The following SLC25A26 variants were observed in gnomAD, a reference collection of about 807,000 sequenced individuals.
SLC25A26 encodes the protein solute carrier family 25 member 26, also known as mitochondrial S-adenosylmethionine carrier protein.
SLC25A26 carries 36 observed loss-of-function variants against 37.8 expected under a neutral mutation model. That is an observed-to-expected ratio of 0.95 (90% CI 0.73 to 1.26). SLC25A26 has a LOEUF of 1.26. Among genes scored for constraint, SLC25A26 ranks in the 50% most tolerant of loss-of-function variants. The pLI, the probability that SLC25A26 is intolerant of heterozygous loss-of-function variation, is 0.00. For missense variants in SLC25A26, 390 were observed against 331.1 expected (o/e 1.18, Z -1.38); for synonymous variants, 129 against 122.5 (o/e 1.05, Z -0.35).
intron 5 of SLC25A26, among the ~76,000 whole-genome samples, chr3:66,287,282 C>G (rs1443582228): frequency 6.8e-6 from 1 of 147,048 alleles, no homozygotes; most frequent in Non-Finnish European, 1.5e-5. Flanking sequence ...GGCGACAGAG[C>G]GAGACTCCGT....
chr3:66,218,441 T>A (rs937925871), upstream of SLC25A26, among the ~76,000 whole-genome samples: 54 of 152,346 alleles, frequency 3.5e-4, no homozygotes, highest in African/African-American at 1.3e-3. Context: ...TTGTCAACAC[T>A]TGGCTTTTTA....
At chr3:66,310,148 G>T (rs948894832) in intron 5 of SLC25A26, among the ~76,000 whole-genome samples, 18 of 152,148 alleles carry the variant, frequency 1.2e-4, no homozygotes, top group African/African-American at 7.2e-5. Context: ...TTCTTTGTAG[G>T]TCTCTAAGAA....
At chr3:66,142,775 T>C (rs1559548605) in intron 1 of SLC25A26, among the ~76,000 whole-genome samples, 1 of 152,098 alleles carries the variant, frequency 6.6e-6, no homozygotes, top group Non-Finnish European at 1.5e-5. Flanking sequence ...GTTTTTTCTC[T>C]TTTTTTGAGA....
Position 66,171,499 on chromosome 3 carries a change from C to CT in SLC25A26, c.-354+37524dup, listed in dbSNP as rs200693173. Among the ~76,000 whole-genome samples, 246 of 151,512 alleles carry CT rather than the reference C, an allele frequency of 1.6e-3. 2 individuals carry two copies. The highest frequency in any genetic ancestry group is 2.7e-3 in the Non-Finnish European group (184 of 67,792). ...TGAAGGACCCTGAGATTTTTCTTTT[C>CT]TTTTTTTTTGAGCAGAGTCTTGCTC... On this transcript the variant is annotated intron_variant, in intron 1 of 10. Coordinates refer to the SLC25A26 transcript ENST00000676754.
intron 1 of SLC25A26, among the ~76,000 whole-genome samples, chr3:66,179,034 G>A (rs1425353258): frequency 1.3e-5 from 2 of 152,138 alleles, no homozygotes; most frequent in Admixed American, 1.3e-4. Context: ...TGTACGTTTT[G>A]TCATATATTT....
intron 9 of SLC25A26, among the ~76,000 whole-genome samples, chr3:66,373,954 G>C (rs1286113052): frequency 6.6e-6 from 1 of 152,062 alleles, no homozygotes; most frequent in Non-Finnish European, 1.5e-5. Context: ...CAGCCTGCAG[G>C]GACCGTCTTC....
At chr3:66,226,069 A>G (rs1385351400) in intron 1 of SLC25A26, among the ~76,000 whole-genome samples, 1 of 152,170 alleles carries the variant, frequency 6.6e-6, no homozygotes, top group Non-Finnish European at 1.5e-5. Flanking sequence ...AGGTATCTTT[A>G]TAGTAGCACC....
intron 5 of SLC25A26, among the ~76,000 whole-genome samples, chr3:66,293,413 A>C (rs1358295134): frequency 1.3e-5 from 2 of 150,988 alleles, no homozygotes; most frequent in South Asian, 2.1e-4. Flanking sequence ...TCAGGGGTAC[A>C]TGTACTGGTT....
chr3:66,248,859 T>A (rs1047284190), intron 3 of SLC25A26, among the ~76,000 whole-genome samples: 18 of 152,196 alleles, frequency 1.2e-4, no homozygotes, highest in African/African-American at 3.6e-4. Flanking sequence ...AGGTAGCTAG[T>A]TACAAATGGG....
intron 5 of SLC25A26, 71 bp from the exon 6 acceptor site, chr3:66,346,286 TTACAGGC>T: frequency 1.6e-6 from 1 of 644,032 alleles, no homozygotes; most frequent in Non-Finnish European, 2.6e-6. Flanking sequence ...GAAATAATAT[TTACAGGC>T]TCGTATAGTC....
At chr3:66,344,735 T>G (rs1328919797) in intron 5 of SLC25A26, among the ~76,000 whole-genome samples, 2 of 152,240 alleles carry the variant, frequency 1.3e-5, no homozygotes, top group African/African-American at 4.8e-5. Context: ...TCCACTGGTG[T>G]TAAGACATTT....
At chr3:66,346,967 G>A (rs1481106744) in intron 6 of SLC25A26, among the ~76,000 whole-genome samples, 1 of 152,032 alleles carries the variant, frequency 6.6e-6, no homozygotes, top group East Asian at 1.9e-4. Context: ...GAGGGAAGGA[G>A]CAGAGTGTGG....
At chr3:66,161,644 TGA>T (rs2070361525) in intron 1 of SLC25A26, among the ~76,000 whole-genome samples, 1 of 152,202 alleles carries the variant, frequency 6.6e-6, no homozygotes. Flanking sequence ...TTTTCTTCAG[TGA>T]GAGAGTTTTT....
chr3:66,375,650 T>G (rs1052232492), intron 9 of SLC25A26, among the ~76,000 whole-genome samples: 6 of 152,196 alleles, frequency 3.9e-5, no homozygotes, highest in Admixed American at 6.5e-5. Context: ...ACAGCATGCT[T>G]TCTTGAATAT....
At chr3:66,267,242 G>A (rs953806261) in intron 5 of SLC25A26, among the ~76,000 whole-genome samples, 4 of 152,186 alleles carry the variant, frequency 2.6e-5, no homozygotes, top group African/African-American at 9.7e-5. Context: ...TGAAGGAGTG[G>A]CAGTTAGAAG....
intron 6 of SLC25A26, among the ~76,000 whole-genome samples, chr3:66,357,189 G>A (rs1393863937): frequency 6.6e-6 from 1 of 152,126 alleles, no homozygotes; most frequent in Non-Finnish European, 1.5e-5. Context: ...TGGGGTGGGA[G>A]GATCACTTGA....
intron 1 of SLC25A26, among the ~76,000 whole-genome samples, chr3:66,149,904 A>G (rs532679997): frequency 6.6e-6 from 1 of 152,300 alleles, no homozygotes; most frequent in South Asian, 2.1e-4. Context: ...AAACTGAGAT[A>G]TGGACAGGTT....
intron 5 of SLC25A26, among the ~76,000 whole-genome samples, chr3:66,325,102 T>G (rs1447199569): frequency 6.6e-6 from 1 of 152,196 alleles, no homozygotes; most frequent in Non-Finnish European, 1.5e-5. Context: ...AACCCTTGCC[T>G]TATCTTGGTC....
chr3:66,378,837 C>T lies in SLC25A26; in HGVS notation c.*1030C>T, dbSNP rs1700846993. ...AACCTTTATTAAAGACACTTCAATG[C>T]CATTTGTTAGACACTTCAATATTTT... On this transcript the variant is annotated 3_prime_UTR_variant, in exon 10 of 10. Transcript: ENST00000354883. 6.6e-6 allele frequency: 1 copy of T among 152,496 alleles called. No homozygotes were observed. The highest frequency in any genetic ancestry group is 2.4e-5 in the African/African-American group (1 of 41,408). 9.4% of individuals were successfully genotyped at this position (152,496 alleles called of 1,614,324 possible). A position where few individuals can be genotyped will look rare whatever the true frequency, so the allele number is the denominator to read the frequency against.
Sources: gnomAD v4.1 joint callset for allele counts (sites outside exome capture counted in the v4.1 genomes callset) on GRCh38, gnomAD v4.1.1 for gene constraint, MANE v1.5 for transcripts, NCBI Gene and HGNC (gene_info 2026-07-23, HGNC 2026-07-21) for gene names.